Variants in NEGR1 observed in about 807,000 individuals in gnomAD.
The protein encoded by NEGR1 is IgLON family member 4.
A neutral mutation model predicts 40.9 loss-of-function variants in NEGR1; 10 were observed. The observed-to-expected ratio is 0.24, with a 90% CI of 0.15 to 0.42. The LOEUF is 0.42. NEGR1 is among the 10% of genes least tolerant of loss of function. The pLI is 1.00. For synonymous variants in NEGR1, 185 were observed against 166.8 expected (o/e 1.11, Z -0.84); for missense variants, 352 against 438.9 (o/e 0.80, Z 1.77).
At chr1:71,481,309 C>T (rs964856717) in intron 6 of NEGR1, among the ~76,000 whole-genome samples, 4 of 151,880 alleles carry the variant, frequency 2.6e-5, no homozygotes, top group African/African-American at 9.7e-5. Context: ...ATAGGTTTAG[C>T]TTCTATAGAC....
intron 1 of NEGR1, among the ~76,000 whole-genome samples, chr1:71,956,099 C>G (rs1646117172): frequency 6.6e-6 from 1 of 152,102 alleles, no homozygotes; most frequent in African/African-American, 2.4e-5. Flanking sequence ...TTAGTTTGGG[C>G]AACCATATGC....
rs1489589511 is a variant in NEGR1, at chr1:71,922,038, A to G, written c.409+13041T>C. Among the ~76,000 whole-genome samples the G allele has an allele frequency of 2.0e-5, 3 of 152,154 alleles. No individual in the cohort carries two copies. The East Asian group carries it at 5.8e-4, about 29-fold the overall frequency. The stretch of plus-strand genomic sequence containing the variant: ...GAAGGAGAGAACCTCAGAGATTTGT[A>G]ACAAGAAGAAGCCGCTAATACTTTT... On this transcript the variant is annotated intron_variant, in intron 2 of 6. Coordinates refer to ENST00000357731, the MANE Select transcript of NEGR1 (RefSeq NM_173808.3).
chr1:71,858,850 T>C (rs1659859979), intron 2 of NEGR1, among the ~76,000 whole-genome samples: 1 of 152,074 alleles, frequency 6.6e-6, no homozygotes. Context: ...CCCTATATTA[T>C]TATTTTTGTG....
At chr1:72,253,189 T>C (rs1231656520) in intron 1 of NEGR1, among the ~76,000 whole-genome samples, 1 of 152,204 alleles carries the variant, frequency 6.6e-6, no homozygotes, top group African/African-American at 2.4e-5. Context: ...TAATGTTCCA[T>C]TGCCTCATTT....
At chr1:72,256,746 T>C (rs1655281441) in intron 1 of NEGR1, among the ~76,000 whole-genome samples, 2 of 152,214 alleles carry the variant, frequency 1.3e-5, no homozygotes, top group Non-Finnish European at 1.5e-5. Flanking sequence ...GAATACAGCT[T>C]AACTATATAA....
chr1:71,708,074 T>C (rs891195498), intron 3 of NEGR1, among the ~76,000 whole-genome samples: 3 of 151,760 alleles, frequency 2.0e-5, no homozygotes, highest in African/African-American at 7.3e-5. Flanking sequence ...ATAAATATAA[T>C]ACCTAACTTT....
At chr1:72,165,440 G>C (rs1469938057) in intron 1 of NEGR1, among the ~76,000 whole-genome samples, 5 of 152,022 alleles carry the variant, frequency 3.3e-5, no homozygotes, top group Non-Finnish European at 2.9e-5. Flanking sequence ...TGATTCTACT[G>C]AAGCTATGAC....
chr1:72,052,972 A>T (rs1647076144), intron 1 of NEGR1, among the ~76,000 whole-genome samples: 1 of 151,410 alleles, frequency 6.6e-6, no homozygotes, highest in Admixed American at 6.6e-5. Context: ...AGCCTGAGTC[A>T]ACACTGCTTC....
intron 1 of NEGR1, among the ~76,000 whole-genome samples, chr1:72,080,705 T>C (rs1307085211): frequency 6.6e-6 from 1 of 152,074 alleles, no homozygotes; most frequent in African/African-American, 2.4e-5. Flanking sequence ...AATTTTCTCA[T>C]TTGTGAAATA....
At chr1:71,411,685 T>C (rs1483816958) in intron 6 of NEGR1, among the ~76,000 whole-genome samples, 1 of 152,130 alleles carries the variant, frequency 6.6e-6, no homozygotes, top group African/African-American at 2.4e-5. Flanking sequence ...GACAATAGAT[T>C]GTACTAGGAA....
chr1:71,537,185 G>A (rs983963134), intron 6 of NEGR1, among the ~76,000 whole-genome samples: 1 of 151,588 alleles, frequency 6.6e-6, no homozygotes, highest in African/African-American at 2.4e-5. Context: ...GTAGATATGA[G>A]CATTAATTCC....
chr1:71,625,326 G>T (rs1047911657), intron 4 of NEGR1, among the ~76,000 whole-genome samples: 1 of 151,382 alleles, frequency 6.6e-6, no homozygotes, highest in African/African-American at 2.4e-5. Flanking sequence ...TTGACCTTTT[G>T]TATTCATGGG....
intron 2 of NEGR1, among the ~76,000 whole-genome samples, chr1:71,809,443 C>A (rs1349350236): frequency 6.6e-6 from 1 of 152,118 alleles, no homozygotes; most frequent in African/African-American, 2.4e-5. Flanking sequence ...CAAATTATTT[C>A]TTGTGTGTCA....
At chr1:71,961,748 A>G (rs1371746267) in intron 1 of NEGR1, among the ~76,000 whole-genome samples, 1 of 152,076 alleles carries the variant, frequency 6.6e-6, no homozygotes, top group African/African-American at 2.4e-5. Flanking sequence ...GTAAAATATC[A>G]ATATTAACAA....
At chr1:71,997,421 C>G (rs78872485) in intron 1 of NEGR1, among the ~76,000 whole-genome samples, 37 of 152,124 alleles carry the variant, frequency 2.4e-4, no homozygotes, top group African/African-American at 7.9e-4. Flanking sequence ...CCCAAAACGT[C>G]CAAGTACAAA....
At chr1:72,109,204 C>T (rs1649257774) in intron 1 of NEGR1, among the ~76,000 whole-genome samples, 2 of 151,566 alleles carry the variant, frequency 1.3e-5, no homozygotes, top group Admixed American at 1.3e-4. Flanking sequence ...TGATATTAAA[C>T]TTTAAAACTG....
At chr1:72,166,127 T>C (rs1282972233) in intron 1 of NEGR1, among the ~76,000 whole-genome samples, 1 of 152,020 alleles carries the variant, frequency 6.6e-6, no homozygotes, top group Non-Finnish European at 1.5e-5. Context: ...TCAAAATATA[T>C]ACCTTTTTTC....
At chr1:71,574,752 A>C (rs1397057739) in intron 6 of NEGR1, among the ~76,000 whole-genome samples, 1 of 152,186 alleles carries the variant, frequency 6.6e-6, no homozygotes, top group African/African-American at 2.4e-5. Context: ...AAGCCTTAAT[A>C]ATTTATTTCC....
At chr1:71,428,296 A>G (rs1458121340) in intron 6 of NEGR1, among the ~76,000 whole-genome samples, 1 of 152,226 alleles carries the variant, frequency 6.6e-6, no homozygotes, top group Non-Finnish European at 1.5e-5. Context: ...TGTGGGCTGA[A>G]GATTTCACAC....
Sources: gnomAD v4.1 joint callset for allele counts (sites outside exome capture counted in the v4.1 genomes callset) on GRCh38, gnomAD v4.1.1 for gene constraint, MANE v1.5 for transcripts, NCBI Gene and HGNC (gene_info 2026-07-23, HGNC 2026-07-21) for gene names.